The following SPATA6L variants were observed in gnomAD, a reference collection of about 807,000 sequenced individuals.
SPATA6L encodes spermatogenesis associated 6-like protein.
Under a neutral mutation model 49.2 loss-of-function variants are expected in SPATA6L, and 68 were observed. The observed-to-expected ratio is 1.38, with a 90% CI of 1.14 to 1.69. SPATA6L has a LOEUF of 1.69. Ranked by LOEUF, SPATA6L falls within the 40% of genes most tolerant of loss-of-function variation. The pLI, the probability that SPATA6L is intolerant of heterozygous loss-of-function variation, is 0.00. For missense variants in SPATA6L, 668 were observed against 464.3 expected, an observed-to-expected ratio of 1.44 and a Z score of -4.03; for synonymous variants, 198 against 165.7, an observed-to-expected ratio of 1.19 and a Z score of -1.50.
intron 4 of SPATA6L, among the ~76,000 whole-genome samples, chr9:4,630,934 A>G (rs550545704): frequency 6.6e-6 from 1 of 152,222 alleles, no homozygotes; most frequent in Admixed American, 6.5e-5. Flanking sequence ...CATTCATGAC[A>G]AAACTGGGAA....
chr9:4,604,420 T>C (rs987981656), intron 10 of SPATA6L, 151 bp from the exon 11 acceptor site: 1 of 492,776 alleles, frequency 2.0e-6, no homozygotes, highest in Non-Finnish European at 3.5e-6. Context: ...ATAGAATCTT[T>C]CTTTTTTTGT....
downstream of SPATA6L, among the ~76,000 whole-genome samples, chr9:4,593,895 C>T (rs1433275812): frequency 6.6e-6 from 1 of 152,168 alleles, no homozygotes; most frequent in African/African-American, 2.4e-5. Flanking sequence ...AGGGTCCCCT[C>T]AAATATTTGT....
intron 7 of SPATA6L, among the ~76,000 whole-genome samples, chr9:4,621,718 C>CCT (rs1829346725): frequency 6.6e-6 from 1 of 152,196 alleles, no homozygotes; most frequent in Non-Finnish European, 1.5e-5. Context: ...AAACTCCCAA[C>CCT]CTCAGGTGAT....
intron 9 of SPATA6L, among the ~76,000 whole-genome samples, chr9:4,605,870 G>T (rs182917842): frequency 2.6e-5 from 4 of 152,130 alleles, no homozygotes; most frequent in African/African-American, 9.6e-5. Context: ...CGCAGAGGAC[G>T]GGTGATTTCT....
chr9:4,596,824 G>A (rs1377220402), downstream of SPATA6L, among the ~76,000 whole-genome samples: 1 of 152,172 alleles, frequency 6.6e-6, no homozygotes, highest in Non-Finnish European at 1.5e-5. Flanking sequence ...GTGGTACAGA[G>A]AACCTGAGGT....
chr9:4,599,816 T>A lies in SPATA6L; in HGVS notation c.*995A>T, dbSNP rs1317856156. On this transcript the variant is annotated 3_prime_UTR_variant, in exon 12 of 12. Coordinates refer to ENST00000682582, the MANE Select transcript of SPATA6L (RefSeq NM_001353486.2). ...AGAGGTTAGGATTTCAACATACAAA[T>A]GTTGAGGGGACACAAACATTCACAC... Among the ~76,000 whole-genome samples the A allele has an allele frequency of 1.3e-5, 2 of 152,146 alleles. No homozygotes were observed. Among genetic ancestry groups the A allele is most frequent in the Non-Finnish European group, 2.9e-5 (2 of 68,030 alleles).
chr9:4,652,448 G>C (rs1427596404), intron 3 of SPATA6L, among the ~76,000 whole-genome samples: 1 of 152,060 alleles, frequency 6.6e-6, no homozygotes, highest in Non-Finnish European at 1.5e-5. Flanking sequence ...ACAAACCTGA[G>C]AATGAAATTT....
intron 2 of SPATA6L, among the ~76,000 whole-genome samples, chr9:4,661,671 G>A (rs1839785791): frequency 6.6e-6 from 1 of 151,998 alleles, no homozygotes; most frequent in African/African-American, 2.4e-5. Flanking sequence ...GGAGTTCCAA[G>A]AATAGGAAAC....
intron 3 of SPATA6L, among the ~76,000 whole-genome samples, chr9:4,636,787 G>T (rs1417798097): frequency 6.6e-6 from 1 of 152,134 alleles, no homozygotes. Flanking sequence ...AGTGCAAAAA[G>T]AAATTATTCT....
intron 2 of SPATA6L, among the ~76,000 whole-genome samples, chr9:4,658,337 C>G (rs940985946): frequency 6.6e-6 from 1 of 152,098 alleles, no homozygotes; most frequent in Non-Finnish European, 1.5e-5. Context: ...TCAGAAAATT[C>G]CATTTTGAAT....
At position 4,629,129 on chromosome 9, in the gene SPATA6L, T is replaced by C. The variant is rs1330255433; in HGVS notation, c.391A>G (p.Ile131Val). The change falls in exon 5 of 12, where the codon ATC becomes GTC. Residue 131 changes from isoleucine to valine, a missense_variant. Physicochemically the swap from Ile to Val is conservative, Grantham distance 29. Transcript: ENST00000682582. ...CTATGCAGAAACACACATTCTCTGA[T>C]GGCTGTCCTTGTAGAAAACTCTATT... ...PKIEFSTRTA[I>V]RECVFLHRNR... The C allele has an allele frequency of 1.2e-6, 2 of 1,612,008 alleles. No homozygotes were observed. The highest frequency in any genetic ancestry group is 1.7e-6 in the Non-Finnish European group (2 of 1,179,302).
At chr9:4,659,902 C>G (rs1448586528) in intron 2 of SPATA6L, among the ~76,000 whole-genome samples, 5 of 152,178 alleles carry the variant, frequency 3.3e-5, no homozygotes, top group Non-Finnish European at 5.9e-5. Flanking sequence ...TGATATTTGA[C>G]AAACCTGACA....
At chr9:4,616,996 C>T (rs1169626583) in intron 9 of SPATA6L, among the ~76,000 whole-genome samples, 1 of 152,198 alleles carries the variant, frequency 6.6e-6, no homozygotes, top group African/African-American at 2.4e-5. Context: ...CTGGCTTCCT[C>T]AAATCCATGA....
At chr9:4,632,703 G>A (rs7847052) in intron 4 of SPATA6L, among the ~76,000 whole-genome samples, 22,117 of 152,084 alleles carry the variant, frequency 0.15, 2,614 homozygotes, top group East Asian at 0.33. Flanking sequence ...GTTAAGAGCT[G>A]TTGGAAACAA....
intron 9 of SPATA6L, among the ~76,000 whole-genome samples, chr9:4,615,841 G>C (rs1827861298): frequency 1.3e-5 from 2 of 152,192 alleles, no homozygotes; most frequent in African/African-American, 4.8e-5. Context: ...TGCTTTTAAG[G>C]AGTTTGGGAG....
downstream of SPATA6L, among the ~76,000 whole-genome samples, chr9:4,593,772 CAT>C (rs565581395): frequency 1.7e-4 from 26 of 152,188 alleles, no homozygotes; most frequent in Non-Finnish European, 3.4e-4. Context: ...GCTTCCAAGA[CAT>C]TACCAGATTC....
At chr9:4,613,429 A>T (rs1827241485) in intron 9 of SPATA6L, among the ~76,000 whole-genome samples, 1 of 152,008 alleles carries the variant, frequency 6.6e-6, no homozygotes, top group Non-Finnish European at 1.5e-5. Flanking sequence ...TGTGACAAGC[A>T]TGTCCCACTG....
rs1437594467 is a variant in SPATA6L, at chr9:4,646,448, T to C, written c.226+9593A>G. Reference sequence around the variant, plus strand: ...ACAGGCCAAATTTATTTTAAAATCATATTAAGCTAATTTAGAAACGGATTT... The same window carrying C: ...ACAGGCCAAATTTATTTTAAAATCACATTAAGCTAATTTAGAAACGGATTT... On this transcript the variant is annotated intron_variant, in intron 3 of 11. Transcript: ENST00000682582. 1.4e-6 allele frequency: 2 copies of C among 1,429,768 alleles called. 1 individual carries two copies. The highest frequency in any genetic ancestry group is 2.9e-5 in the South Asian group (2 of 68,762). The allele number at this position is 1,429,768 out of a possible 1,614,324, so 88.6% of individuals were successfully genotyped here.
chr9:4,652,181 G>C (rs988063396), intron 3 of SPATA6L, among the ~76,000 whole-genome samples: 1 of 152,094 alleles, frequency 6.6e-6, no homozygotes, highest in Non-Finnish European at 1.5e-5. Context: ...AGCACTTTCG[G>C]AGGCCAAGGC....
Sources: allele counts gnomAD v4.1 joint callset (sites outside exome capture counted in the v4.1 genomes callset), GRCh38; gene constraint gnomAD v4.1.1; transcripts MANE v1.5; gene names NCBI Gene and HGNC (gene_info 2026-07-23, HGNC 2026-07-21).